Variants in ALDH1L1 observed in about 807,000 individuals in gnomAD.
ALDH1L1 encodes aldehyde dehydrogenase 1 family member L1.
ALDH1L1 carries 68 observed loss-of-function variants against 101.1 expected under a neutral mutation model. That is an observed-to-expected ratio of 0.67 (90% confidence interval 0.55 to 0.82). The LOEUF (loss-of-function observed/expected upper bound fraction) is 0.82. ALDH1L1 is among the 40% of genes least tolerant of loss of function. ALDH1L1 has a pLI of 0.00. For missense variants in ALDH1L1, 1,087 were observed against 1,172.7 expected, an observed-to-expected ratio of 0.93 and a Z score of 1.07; for synonymous variants, 486 against 470.8, an observed-to-expected ratio of 1.03 and a Z score of -0.42.
intron 20 of ALDH1L1, 152 bp from the exon 21 acceptor site, chr3:126,107,398 C>T: frequency 1.6e-6 from 1 of 637,872 alleles, no homozygotes; most frequent in Non-Finnish European, 2.8e-6. Flanking sequence ...TGTCACCACG[C>T]TGCAGATGGC....
Position 126,112,785 on chromosome 3 carries a change from T to C in ALDH1L1, c.2178A>G (p.Arg726=), listed in dbSNP as rs779275886. The part of the protein sequence containing the change: ...EDSIHDEFVR[R]VVEEVRKMKV... ...CAGACCCTGGGGCAGGACTTACCAC[T>C]CTCCGCACGAACTCATCATGAATGG... The change falls in exon 19 of 23, where the codon AGA becomes AGG. Residue 726 remains arginine, a synonymous_variant. Transcript: ENST00000393434. 1 of 1,612,936 alleles carries C rather than the reference T, an allele frequency of 6.2e-7. No individual in the cohort carries two copies. Among genetic ancestry groups the C allele is most frequent in the Non-Finnish European group, 8.5e-7 (1 of 1,179,934 alleles).
upstream of ALDH1L1, among the ~76,000 whole-genome samples, chr3:126,183,109 G>C (rs1484219028): frequency 3.9e-5 from 6 of 152,172 alleles, no homozygotes; most frequent in Non-Finnish European, 7.3e-5. Flanking sequence ...GTGGTCATGA[G>C]ATCTTTTGTA....
chr3:126,107,321 C>G, intron 20 of ALDH1L1, 75 bp from the exon 21 acceptor site: 2 of 1,241,820 alleles, frequency 1.6e-6, no homozygotes, highest in East Asian at 2.3e-5. Flanking sequence ...TCAGCAGGGC[C>G]TGGGCCACAC....
At position 126,114,626 on chromosome 3, in the gene ALDH1L1, G is replaced by A. The variant is rs960443093; in HGVS notation, c.2013C>T (p.Ser671=). The stretch of plus-strand genomic sequence containing the variant: ...GGGGTGACTTCCCGCCCAGTTCCAG[G>A]GACACCTTCTTCACGTTACTTATGG... The part of the protein sequence containing the change: ...SCAISNVKKV[S]LELGGKSPLI... Residue 671 remains serine (S), a synonymous_variant, in exon 18 of 23, where the codon TCC becomes TCT. Transcript: ENST00000393434. 1.3e-6 allele frequency: 2 copies of A among 1,519,752 alleles called. No individual in the cohort carries two copies. The highest frequency in any genetic ancestry group is 2.2e-5 in the Admixed American group (1 of 45,834). The allele number at this position is 1,519,752 out of a possible 1,614,324, so 94.1% of individuals were successfully genotyped here.
intron 11 of ALDH1L1, among the ~76,000 whole-genome samples, chr3:126,136,134 C>T (rs2080438555): frequency 6.6e-6 from 1 of 152,228 alleles, no homozygotes; most frequent in South Asian, 2.1e-4. Flanking sequence ...CCTCCCTCTC[C>T]CTTTGCAGAT....
In ALDH1L1 at chr3:126,126,346, C is replaced by T. The variant is rs547672197; in HGVS notation, c.1695-625G>A. ...GCAGGCACACTGGCCGGGTATGAAT[C>T]CTGTGTGGCCCTGCCTTCCCCCCAT... is the stretch of plus-strand genomic sequence containing the variant. On this transcript the variant is annotated intron_variant, in intron 14 of 22. Transcript: ENST00000393434. Among the ~76,000 whole-genome samples, 22 of 152,300 alleles carry T rather than the reference C, an allele frequency of 1.4e-4. No individual in the cohort carries two copies. In the South Asian group the frequency reaches 4.3e-3, roughly 30 times the overall value.
chr3:126,171,433 C>T (rs891934814), intron 1 of ALDH1L1, among the ~76,000 whole-genome samples: 8 of 151,884 alleles, frequency 5.3e-5, no homozygotes, highest in African/African-American at 1.9e-4. Flanking sequence ...GATAAACTCT[C>T]CCATCCTGAA....
chr3:126,133,791 C>G (rs1425961456), intron 12 of ALDH1L1, among the ~76,000 whole-genome samples: 1 of 152,214 alleles, frequency 6.6e-6, no homozygotes, highest in African/African-American at 2.4e-5. Flanking sequence ...GCCGGCCCTA[C>G]TGACCACCAG....
chr3:126,119,843 AAGAC>A (rs1183697932), intron 16 of ALDH1L1, among the ~76,000 whole-genome samples: 1 of 152,238 alleles, frequency 6.6e-6, no homozygotes, highest in Non-Finnish European at 1.5e-5. Flanking sequence ...ATCACCAAAG[AAGAC>A]AGACAGATGG....
At chr3:126,191,923 G>T (rs147743779) in intron 1 of ALDH1L1, among the ~76,000 whole-genome samples, 1 of 152,196 alleles carries the variant, frequency 6.6e-6, no homozygotes, top group African/African-American at 2.4e-5. Context: ...AGGTTGTCAA[G>T]TCCTGGTGTA....
At chr3:126,145,265 G>T (rs1300699356) in intron 9 of ALDH1L1, among the ~76,000 whole-genome samples, 1 of 152,214 alleles carries the variant, frequency 6.6e-6, no homozygotes, top group East Asian at 1.9e-4. Context: ...TGGTGGGAAT[G>T]TAAAATGGTG....
In ALDH1L1 at chr3:126,136,883, C is replaced by A. The variant is rs116683776; in HGVS notation, c.1225G>T (p.Val409Leu). Reference protein sequence around the residue: ...DEEGECSIDYVEMAVNKRTVR... With the variant: ...DEEGECSIDYLEMAVNKRTVR... ...GTGCGCTTGTTCACTGCCATTTCCA[C>A]CTGAAAGAAAGGCCCCAGTGACAAG... Residue 409 changes from valine (V) to leucine (L), a missense_variant and splice_region_variant, in exon 11 of 23, where the codon GTG (valine) becomes TTG (leucine). By Grantham distance (32) the Val-to-Leu change is conservative. Around this residue, in one of 2 missense-constraint regions of ALDH1L1, gnomAD observed 645 missense variants for 637.0 expected, o/e 1.01. Transcript: ENST00000393434. The A allele has an allele frequency of 6.2e-7, 1 of 1,613,682 alleles. No individual in the cohort carries two copies. The highest frequency in any genetic ancestry group is 8.5e-7 in the Non-Finnish European group (1 of 1,179,890).
chr3:126,184,481 C>G (rs570253795), upstream of ALDH1L1, among the ~76,000 whole-genome samples: 1 of 152,368 alleles, frequency 6.6e-6, no homozygotes, highest in African/African-American at 2.4e-5. Flanking sequence ...TATCCCACAG[C>G]CCTGCACAGG....
Position 126,157,329 on chromosome 3 carries a change from C to T in ALDH1L1, c.528+14G>A. 1 of 1,604,084 alleles carries T rather than the reference C, an allele frequency of 6.2e-7. No individual in the cohort carries two copies. On this transcript the variant is annotated intron_variant, in intron 4 of 22. Coordinates refer to ENST00000393434, the MANE Select transcript of ALDH1L1 (RefSeq NM_012190.4). Reference sequence around the variant, plus strand: ...GTCGGGGCGGGCAGGGCGCGGCCGGCTCCAGGTCCTCACCATCCCTTTGAT... The same window carrying T: ...GTCGGGGCGGGCAGGGCGCGGCCGGTTCCAGGTCCTCACCATCCCTTTGAT...
chr3:126,109,486 A>G (rs1387809796), intron 20 of ALDH1L1, among the ~76,000 whole-genome samples: 3 of 152,082 alleles, frequency 2.0e-5, no homozygotes, highest in Non-Finnish European at 4.4e-5. Context: ...TGTATCTGGT[A>G]GGGTCTGAGC....
chr3:126,153,307 A>G (rs745638325), intron 7 of ALDH1L1, 137 bp downstream of exon 7: 1 of 1,354,240 alleles, frequency 7.4e-7, no homozygotes, highest in South Asian at 1.2e-5. Context: ...GGGACAAATC[A>G]GGGTCAGTGT....
chr3:126,104,012 C>T (rs1945770649), intron 22 of ALDH1L1, 166 bp from the exon 23 acceptor site: 5 of 708,188 alleles, frequency 7.1e-6, no homozygotes, highest in Non-Finnish European at 1.2e-5. Context: ...CCCAGGTTAT[C>T]CCTGGCAGTG....
intron 15 of ALDH1L1, among the ~76,000 whole-genome samples, chr3:126,124,847 T>C (rs1280007822): frequency 6.6e-6 from 1 of 152,264 alleles, no homozygotes; most frequent in African/African-American, 2.4e-5. Context: ...GTTGAAATGC[T>C]TGAGGCATGC....
intron 1 of ALDH1L1, among the ~76,000 whole-genome samples, chr3:126,188,338 A>C (rs1482404090): frequency 6.6e-6 from 1 of 152,222 alleles, no homozygotes; most frequent in African/African-American, 2.4e-5. Context: ...TTTCGTATTC[A>C]TGGGTTTCAC....
Sources: allele counts gnomAD v4.1 joint callset (sites outside exome capture counted in the v4.1 genomes callset), GRCh38; gene constraint gnomAD v4.1.1; regional missense constraint gnomAD v4.1.1; transcripts MANE v1.5; gene names NCBI Gene and HGNC (gene_info 2026-07-23, HGNC 2026-07-21).